PEAR1: variants seen among roughly 807,000 people sequenced by gnomAD.
PEAR1 encodes platelet endothelial aggregation receptor 1.
In PEAR1, 113 loss-of-function variants were observed where a neutral mutation model predicts 131.2. The observed-to-expected ratio is 0.86, with a 90% CI of 0.74 to 1.01. The LOEUF is 1.01. PEAR1 is among the 50% of genes least tolerant of loss of function. The pLI is 0.00. For synonymous variants in PEAR1, 565 were observed against 523.3 expected (o/e 1.08, Z -1.09); for missense variants, 1,408 against 1,391.1 (o/e 1.01, Z -0.19).
At position 156,915,463 on chromosome 1, in the gene PEAR1, G is replaced by A. The variant is rs41273217; in HGVS notation, c.*665G>A. Reference sequence around the variant, plus strand: ...TTGAACTGTGTTCCTGTCACTGCACGCCAGTCACACCGGCCTCTAGGTCCT... The same window carrying A: ...TTGAACTGTGTTCCTGTCACTGCACACCAGTCACACCGGCCTCTAGGTCCT... On this transcript the variant is annotated 3_prime_UTR_variant, in exon 23 of 23. Transcript: ENST00000292357. The A allele has an allele frequency of 0.02, 3,122 of 152,302 alleles. 47 individuals carry two copies. The highest frequency in any genetic ancestry group is 0.033 in the Non-Finnish European group (2,248 of 68,054). The allele number at this position is 152,302 out of a possible 1,614,324, so 9.4% of individuals were successfully genotyped here. A position where few individuals can be genotyped will look rare whatever the true frequency, so the allele number is the denominator to read the frequency against.
intron 6 of PEAR1, among the ~76,000 whole-genome samples, 183 bp downstream of exon 6, chr1:156,907,063 G>T (rs562679024): frequency 6.6e-6 from 1 of 152,338 alleles, no homozygotes; most frequent in East Asian, 1.9e-4. Flanking sequence ...TCATTGACTC[G>T]TTGTGGGCTT....
Position 156,907,952 on chromosome 1 carries a change from A to G in PEAR1, c.803A>G (p.His268Arg), listed in dbSNP as rs760301390. The change falls in exon 8 of 23, where the codon CAC becomes CGC. Residue 268 changes from histidine (H) to arginine (R), a missense_variant. His to Arg is a conservative substitution (Grantham distance 29). Coordinates refer to ENST00000292357, the MANE Select transcript of PEAR1 (RefSeq NM_001080471.3). ...ICSLPCPEGF[H>R]GPNCSQECRC... ...TCCCTGCCCTGCCCAGAGGGCTTTC[A>G]CGGACCCAACTGCTCCCAGGAATGT... 3.8e-6 allele frequency: 6 copies of G among 1,586,382 alleles called. No homozygotes were observed. In the South Asian group the frequency reaches 6.8e-5, roughly 18 times the overall value.
intron 1 of PEAR1, among the ~76,000 whole-genome samples, chr1:156,896,072 C>G (rs1290107034): frequency 2.0e-5 from 3 of 152,266 alleles, no homozygotes; most frequent in African/African-American, 7.2e-5. Context: ...CACAGCGAAG[C>G]CCTGTCTCAA....
At chr1:156,899,072 G>A (rs902854754) in intron 1 of PEAR1, among the ~76,000 whole-genome samples, 1 of 152,214 alleles carries the variant, frequency 6.6e-6, no homozygotes, top group African/African-American at 2.4e-5. Context: ...CTGAGGTTCT[G>A]TTCCAGAATG....
intron 2 of PEAR1, among the ~76,000 whole-genome samples, chr1:156,904,520 T>C (rs1163370601): frequency 1.3e-5 from 2 of 151,346 alleles, no homozygotes; most frequent in Non-Finnish European, 3.0e-5. Flanking sequence ...TCCAATAGAG[T>C]GGGAAGGGCG....
intron 14 of PEAR1, 81 bp downstream of exon 14, chr1:156,910,461 C>T (rs1186621581): frequency 6.5e-7 from 1 of 1,540,464 alleles, no homozygotes; most frequent in African/African-American, 1.4e-5. Flanking sequence ...CCTCCCCCCG[C>T]GCCCGCCGCC....
In PEAR1 at chr1:156,903,128, GA is replaced by G. The variant is rs1649854054; in HGVS notation, c.-9-788del. On this transcript the variant is annotated intron_variant, in intron 1 of 22. Transcript: ENST00000292357. ...TTCAAGCTACTCACGTGACATCACTGAACATGTTGCTAGGAAGAGATGCATA... is the reference window on the plus strand; with the variant it reads ...TTCAAGCTACTCACGTGACATCACTGACATGTTGCTAGGAAGAGATGCATA... Among the ~76,000 whole-genome samples the G allele has an allele frequency of 3.3e-5, 5 of 152,240 alleles. No homozygotes were observed. The South Asian group carries it at 1.0e-3, about 32-fold the overall frequency.
chr1:156,913,725 G>A lies in PEAR1; in HGVS notation c.2678G>A (p.Ser893Asn). 6.2e-7 allele frequency: 1 copy of A among 1,614,108 alleles called. No homozygotes were observed. Among genetic ancestry groups the A allele is most frequent in the Non-Finnish European group, 8.5e-7 (1 of 1,180,020 alleles). The change falls in exon 21 of 23, where the codon AGC becomes AAC. Residue 893 changes from serine to asparagine, a missense_variant. Ser to Asn is a conservative substitution (Grantham distance 46). Transcript: ENST00000292357. Reference protein sequence around the residue: ...SSRLDRSYSYSYSNGPGPFYN... With the variant: ...SSRLDRSYSYNYSNGPGPFYN... ...CGCCTGGACCGAAGCTACAGCTATA[G>A]CTACAGCAATGGCCCAGGCCCATTC...
At chr1:156,912,430 A>T in intron 16 of PEAR1, 55 bp downstream of exon 16, 2 of 1,603,302 alleles carry the variant, frequency 1.2e-6, no homozygotes, top group Non-Finnish European at 8.5e-7. Flanking sequence ...CCTTACCCAA[A>T]AAAAGGAGAC....
chr1:156,907,619 G>C lies in PEAR1; in HGVS notation c.654G>C (p.Val218=), dbSNP rs1194923163. 1 of 1,613,094 alleles carries C rather than the reference G, an allele frequency of 6.2e-7. No individual in the cohort carries two copies. Among genetic ancestry groups the C allele is most frequent in the South Asian group, 1.1e-5 (1 of 90,900 alleles). ...PAERTGPSCD[V]SCSQGTSGFF... is the part of the protein sequence containing the mutation. ...CCACTCTGTCCTGCAGCTGTGACGT[G>C]TCCTGTTCCCAGGGCACTTCTGGCT... Residue 218 remains valine, a synonymous_variant, in exon 7 of 23, where the codon GTG becomes GTC. Coordinates refer to ENST00000292357, the MANE Select transcript of PEAR1 (RefSeq NM_001080471.3).
intron 11 of PEAR1, 67 bp downstream of exon 11, chr1:156,909,103 G>T (rs1363756991): frequency 3.8e-6 from 6 of 1,599,904 alleles, no homozygotes; most frequent in Admixed American, 3.4e-5. Context: ...GAGAGTCCAA[G>T]AGTATGGGTG....
chr1:156,912,282 C>A lies in PEAR1; in HGVS notation c.1987C>A (p.Gln663Lys). The A allele has an allele frequency of 6.2e-7, 1 of 1,613,906 alleles. No individual in the cohort carries two copies. The highest frequency in any genetic ancestry group is 8.5e-7 in the Non-Finnish European group (1 of 1,179,978). Residue 663 changes from glutamine (Q) to lysine (K), a missense_variant, in exon 16 of 23, where the codon CAG becomes AAG. By Grantham distance (53) the Gln-to-Lys change is moderately conservative. Coordinates refer to ENST00000292357, the MANE Select transcript of PEAR1 (RefSeq NM_001080471.3). ...PPGHWGENCA[Q>K]TCQCHHGGTC... ...AGGACACTGGGGAGAAAACTGTGCC[C>A]AGACCTGCCAATGTCACCATGGTGG...
chr1:156,901,077 C>A (rs941484253), intron 1 of PEAR1, among the ~76,000 whole-genome samples: 1 of 152,194 alleles, frequency 6.6e-6, no homozygotes, highest in African/African-American at 2.4e-5. Flanking sequence ...CAAAACCTTC[C>A]TCTTCCTGCC....
At chr1:156,913,633 G>A in intron 20 of PEAR1, 59 bp from the exon 21 acceptor site, 1 of 1,600,476 alleles carries the variant, frequency 6.2e-7, no homozygotes, top group Non-Finnish European at 8.5e-7. Flanking sequence ...ATTTCTAGAG[G>A]AAGTGTGAGC....
intron 1 of PEAR1, among the ~76,000 whole-genome samples, chr1:156,896,957 T>C (rs1203220819): frequency 6.6e-6 from 1 of 152,206 alleles, no homozygotes; most frequent in Non-Finnish European, 1.5e-5. Context: ...ACGCACCTCA[T>C]TGTGTCTTGA....
intron 14 of PEAR1, 47 bp downstream of exon 14, chr1:156,910,427 T>C: frequency 6.4e-7 from 1 of 1,554,932 alleles, no homozygotes; most frequent in Non-Finnish European, 8.7e-7. Context: ...CAGGGGGCAG[T>C]GTAGTGTCAG....
Position 156,908,932 on chromosome 1 carries a change from G to A in PEAR1, c.1307G>A (p.Ser436Asn). 1 of 1,613,790 alleles carries A rather than the reference G, an allele frequency of 6.2e-7. No individual in the cohort carries two copies. The highest frequency in any genetic ancestry group is 8.5e-7 in the Non-Finnish European group (1 of 1,179,980). The change falls in exon 11 of 23, where the codon AGT becomes AAT. Residue 436 changes from serine to asparagine, a missense_variant. Physicochemically the swap from Ser to Asn is conservative, Grantham distance 46. Transcript: ENST00000292357. This position sits in a 1 kb window ranked among gnomAD's most constrained non-coding sequence, Gnocchi z 4.2. ...APGYTGPHCA[S>N]LCPPDTYGVN... The stretch of plus-strand genomic sequence containing the variant: ...CTCTTTCAGGGCCCTCACTGTGCTA[G>A]TCTTTGTCCTCCTGACACCTACGGT...
Position 156,915,698 on chromosome 1 carries a change from G to A in PEAR1, c.*900G>A, listed in dbSNP as rs192121832. ...ACAGGGTGCCAGGCACTTCTTTAAT[G>A]TGTTCTTTCTTTATGTGATTATTTG... On this transcript the variant is annotated 3_prime_UTR_variant, in exon 23 of 23. Transcript: ENST00000292357. The A allele has an allele frequency of 6.6e-6, 1 of 152,320 alleles. No individual in the cohort carries two copies. Among genetic ancestry groups the A allele is most frequent in the Non-Finnish European group, 1.5e-5 (1 of 68,052 alleles). 9.4% of individuals were successfully genotyped at this position (152,320 alleles called of 1,614,324 possible).
At chr1:156,911,854 T>C (rs574570978) in intron 15 of PEAR1, among the ~76,000 whole-genome samples, 1 of 152,314 alleles carries the variant, frequency 6.6e-6, no homozygotes, top group African/African-American at 2.4e-5. Flanking sequence ...TTACAACTAC[T>C]ATTAGATTAT....
Sources: allele counts gnomAD v4.1 joint callset (sites outside exome capture counted in the v4.1 genomes callset), GRCh38; gene constraint gnomAD v4.1.1; non-coding constraint Gnocchi (gnomAD v3.1); transcripts MANE v1.5; gene names NCBI Gene and HGNC (gene_info 2026-07-23, HGNC 2026-07-21).